The following GALNT13 variants were observed in gnomAD, a reference collection of about 807,000 sequenced individuals.
The protein encoded by GALNT13 is polypeptide N-acetylgalactosaminyltransferase 13.
Under a neutral mutation model 64.2 loss-of-function variants are expected in GALNT13, and 28 were observed. That is an observed-to-expected ratio of 0.44 (90% CI 0.32 to 0.60). GALNT13 has a LOEUF of 0.60. GALNT13 is among the 20% of genes least tolerant of loss of function. The pLI is 0.05. For synonymous variants in GALNT13, 214 were observed against 224.6 expected (o/e 0.95, Z 0.42); for missense variants, 577 against 669.8 (o/e 0.86, Z 1.53).
At chr2:154,075,625 T>A (rs559180991) in intron 3 of GALNT13, among the ~76,000 whole-genome samples, 1 of 151,912 alleles carries the variant, frequency 6.6e-6, no homozygotes, top group African/African-American at 2.4e-5. Flanking sequence ...TTTGAATATA[T>A]CCGTAATTCC....
At chr2:153,387,381 A>G in the GALNT13 span, among the ~76,000 whole-genome samples, 16 of 152,154 alleles carry the variant, frequency 1.1e-4, no homozygotes, top group South Asian at 3.3e-3. Context: ...AATATCCACC[A>G]ATGGGTACTT....
chr2:153,964,444 G>C (rs1693184128), intron 3 of GALNT13, among the ~76,000 whole-genome samples: 1 of 151,972 alleles, frequency 6.6e-6, no homozygotes, highest in African/African-American at 2.4e-5. Context: ...GCAAGACTCT[G>C]TCTCAAAGCA....
the GALNT13 span, among the ~76,000 whole-genome samples, chr2:153,805,040 T>C: frequency 6.6e-6 from 1 of 151,950 alleles, no homozygotes; most frequent in Non-Finnish European, 1.5e-5. Context: ...TTATGAAATA[T>C]ATATGTAATT....
At chr2:153,326,918 T>C in the GALNT13 span, among the ~76,000 whole-genome samples, 1 of 152,004 alleles carries the variant, frequency 6.6e-6, no homozygotes, top group East Asian at 1.9e-4. Context: ...ACCCTGTCTC[T>C]ACTAAAAATA....
the GALNT13 span, among the ~76,000 whole-genome samples, chr2:153,669,180 C>A: frequency 6.6e-6 from 1 of 152,176 alleles, no homozygotes; most frequent in Non-Finnish European, 1.5e-5. Context: ...CACACCAGCC[C>A]ATCTGCACCC....
intron 8 of GALNT13, among the ~76,000 whole-genome samples, chr2:154,270,211 A>C (rs1300609311): frequency 6.6e-6 from 1 of 151,722 alleles, no homozygotes; most frequent in African/African-American, 2.4e-5. Context: ...TCCTCTATTA[A>C]TATTTTTGGT....
the GALNT13 span, among the ~76,000 whole-genome samples, chr2:153,721,312 C>A: frequency 2.1e-5 from 3 of 144,420 alleles, no homozygotes; most frequent in Admixed American, 1.4e-4. Flanking sequence ...CTGAAGGAAG[C>A]GCTAAACATG....
intron 3 of GALNT13, among the ~76,000 whole-genome samples, chr2:153,947,269 A>G (rs1303683682): frequency 6.6e-6 from 1 of 152,034 alleles, no homozygotes; most frequent in Non-Finnish European, 1.5e-5. Flanking sequence ...CCCACCTGCC[A>G]TGGAGCTTAA....
chr2:153,758,798 G>C, the GALNT13 span, among the ~76,000 whole-genome samples: 1 of 151,992 alleles, frequency 6.6e-6, no homozygotes, highest in Non-Finnish European at 1.5e-5. Flanking sequence ...TAATATGTTG[G>C]CAAGCCTGGT....
intron 4 of GALNT13, among the ~76,000 whole-genome samples, chr2:154,230,808 T>C (rs1688876056): frequency 6.6e-6 from 1 of 152,120 alleles, no homozygotes. Context: ...AGTTCTCTGG[T>C]AGACTTAAGT....
the GALNT13 span, among the ~76,000 whole-genome samples, chr2:153,537,608 C>G: frequency 6.6e-6 from 1 of 152,126 alleles, no homozygotes; most frequent in South Asian, 2.1e-4. Context: ...AAATCTCATC[C>G]TGAATTGTAG....
the GALNT13 span, among the ~76,000 whole-genome samples, chr2:153,443,555 A>C: frequency 1.3e-5 from 2 of 152,158 alleles, no homozygotes; most frequent in South Asian, 4.1e-4. Context: ...CTTGAGTACT[A>C]TTTTTTATGT....
At chr2:153,804,443 T>C in the GALNT13 span, among the ~76,000 whole-genome samples, 1 of 152,122 alleles carries the variant, frequency 6.6e-6, no homozygotes, top group East Asian at 1.9e-4. Flanking sequence ...TTCCAAAGTG[T>C]CGGGATTATA....
chr2:154,084,673 G>C (rs187182355), intron 3 of GALNT13, among the ~76,000 whole-genome samples: 133 of 152,004 alleles, frequency 8.7e-4, no homozygotes, highest in African/African-American at 3.1e-3. Flanking sequence ...ATAGGGAAGC[G>C]TGTTAGTGCC....
At chr2:153,494,054 A>C in the GALNT13 span, among the ~76,000 whole-genome samples, 1 of 152,006 alleles carries the variant, frequency 6.6e-6, no homozygotes, top group African/African-American at 2.4e-5. Flanking sequence ...GCAACAAATA[A>C]CATTTAGGAA....
In GALNT13 at chr2:154,452,112, A is replaced by G. The variant is rs1257217279; in HGVS notation, c.*1561A>G. 6.6e-6 allele frequency: 1 copy of G among 152,082 alleles called. No homozygotes were observed. Among genetic ancestry groups the G allele is most frequent in the Non-Finnish European group, 1.5e-5 (1 of 68,024 alleles). 9.4% of individuals were successfully genotyped at this position (152,082 alleles called of 1,614,324 possible). On this transcript the variant is annotated 3_prime_UTR_variant, in exon 13 of 13. Coordinates refer to ENST00000392825, the MANE Select transcript of GALNT13 (RefSeq NM_052917.4). ...CCTCTTTTGACTTTTTATTGGTACA[A>G]CTGTAGGGAAGAATCTACAACCTGG...
chr2:153,814,163 G>A, the GALNT13 span, among the ~76,000 whole-genome samples: 1 of 152,172 alleles, frequency 6.6e-6, no homozygotes. Context: ...CAATTTGGCC[G>A]GGCGCGGTGG....
intron 1 of GALNT13, among the ~76,000 whole-genome samples, chr2:153,872,651 T>C (rs1574012144): frequency 2.3e-5 from 3 of 128,270 alleles, no homozygotes; most frequent in Non-Finnish European, 4.8e-5. Flanking sequence ...TCTGGCCCCC[T>C]CTGCGTTCTG....
At chr2:153,409,119 G>A in the GALNT13 span, among the ~76,000 whole-genome samples, 1 of 152,020 alleles carries the variant, frequency 6.6e-6, no homozygotes, top group Non-Finnish European at 1.5e-5. Context: ...ACAGATTGAA[G>A]GCTGCATTGT....
Sources: allele counts gnomAD v4.1 joint callset (sites outside exome capture counted in the v4.1 genomes callset), GRCh38; gene constraint gnomAD v4.1.1; transcripts MANE v1.5; gene names NCBI Gene and HGNC (gene_info 2026-07-23, HGNC 2026-07-21).